Variants in RMST observed in about 807,000 individuals in gnomAD.
RMST encodes the protein long intergenic non-protein coding RNA 54.
chr12:97,556,702 C>T (rs1216200256), intron 11 of RMST, among the ~76,000 whole-genome samples: 1 of 152,140 alleles, frequency 6.6e-6, no homozygotes, highest in African/African-American at 2.4e-5. Context: ...AGCTTGGAGC[C>T]TCTTTCTGGC....
At chr12:97,502,473 ATTTT>A (rs548682934) in intron 10 of RMST, among the ~76,000 whole-genome samples, 1 of 151,814 alleles carries the variant, frequency 6.6e-6, no homozygotes, top group South Asian at 2.1e-4. Context: ...ATAATAAATG[ATTTT>A]TTTTGAGACA....
In RMST at chr12:97,554,574, T is replaced by C. The variant is rs576736479; in HGVS notation, n.1546-5963T>C. ...AAGGTAACCCAAAAGGTGAAAATTT[T>C]GAAGATTCACAAAATGTTATTACTC... On this transcript the variant is annotated intron_variant and non_coding_transcript_variant, in intron 11 of 13. Transcript: ENST00000640149. Among the ~76,000 whole-genome samples the C allele has an allele frequency of 3.3e-5, 5 of 152,302 alleles. No individual in the cohort carries two copies. The East Asian group carries it at 9.7e-4, about 29-fold the overall frequency.
chr12:97,548,756 T>A (rs1253006732), intron 11 of RMST, among the ~76,000 whole-genome samples: 4 of 152,100 alleles, frequency 2.6e-5, no homozygotes, highest in Non-Finnish European at 5.9e-5. Context: ...TTTTGTAAAA[T>A]CTTTAGGGTT....
At position 97,538,151 on chromosome 12, in the gene RMST, CA is replaced by C. The variant is rs1427472656; in HGVS notation, n.1545+7297del. ...ATGGATGTTTTCCTTTTGCACCCCC[CA>C]AAAATAATAATAAAGGTTTGATCCT... On this transcript the variant is annotated intron_variant and non_coding_transcript_variant, in intron 11 of 13. Transcript: ENST00000640149. 2.0e-5 allele frequency among the ~76,000 whole-genome samples: 3 copies of C among 151,216 alleles called. No individual in the cohort carries two copies. In the Admixed American group the frequency reaches 2.0e-4, roughly 10 times the overall value.
intron 11 of RMST, among the ~76,000 whole-genome samples, chr12:97,555,522 C>T (rs1883640856): frequency 1.3e-5 from 2 of 152,204 alleles, no homozygotes; most frequent in Admixed American, 6.5e-5. Flanking sequence ...ATTATAGCCA[C>T]AATTTCCTAG....
intron 11 of RMST, among the ~76,000 whole-genome samples, chr12:97,531,223 T>C (rs1338078831): frequency 6.6e-6 from 1 of 152,002 alleles, no homozygotes; most frequent in African/African-American, 2.4e-5. Context: ...TGCTCTGCTA[T>C]TTTCTATTGT....
chr12:97,487,718 GA>G (rs1264410441), intron 5 of RMST, among the ~76,000 whole-genome samples: 3 of 152,176 alleles, frequency 2.0e-5, no homozygotes, highest in Non-Finnish European at 4.4e-5. Flanking sequence ...GTTACTGCAT[GA>G]GTCCATTCCC....
intron 5 of RMST, among the ~76,000 whole-genome samples, chr12:97,488,355 T>A (rs571219798): frequency 1.3e-5 from 2 of 152,174 alleles, no homozygotes; most frequent in Non-Finnish European, 2.9e-5. Context: ...GGGATTCACA[T>A]TGAGACACAT....
Position 97,546,530 on chromosome 12 carries a change from C to T in RMST, n.1546-14007C>T, listed in dbSNP as rs763529774. Among the ~76,000 whole-genome samples, 11 of 151,616 alleles carry T rather than the reference C, an allele frequency of 7.3e-5. No individual in the cohort carries two copies. The East Asian group carries it at 1.2e-3, about 16-fold the overall frequency. On this transcript the variant is annotated intron_variant and non_coding_transcript_variant, in intron 11 of 13. Coordinates refer to ENST00000640149, the Ensembl canonical transcript of RMST. Reference sequence around the variant, plus strand: ...CTGGAAGGTGGAGGTTGCAGTGAACCGAGATCTCACCACTGCACTCCAGCC... The same window carrying T: ...CTGGAAGGTGGAGGTTGCAGTGAACTGAGATCTCACCACTGCACTCCAGCC...
At chr12:97,480,676 T>C (rs1020443056) in intron 5 of RMST, among the ~76,000 whole-genome samples, 1 of 152,218 alleles carries the variant, frequency 6.6e-6, no homozygotes, top group African/African-American at 2.4e-5. Flanking sequence ...CTCTTTCTAG[T>C]CTTATCTCTA....
rs1422701452 is a variant in RMST, at chr12:97,548,057, T to C, written n.1546-12480T>C. On this transcript the variant is annotated intron_variant and non_coding_transcript_variant, in intron 11 of 13. Coordinates refer to ENST00000640149, the Ensembl canonical transcript of RMST. ...TTACATTTAAGTCTTTAACCTATTT[T>C]GAATTGATTTTTGTATATAGTTTGA... Among the ~76,000 whole-genome samples, 9 of 152,136 alleles carry C rather than the reference T, an allele frequency of 5.9e-5. No individual in the cohort carries two copies. The East Asian group carries it at 1.2e-3, about 20-fold the overall frequency.
chr12:97,467,503 T>C (rs953018840), intron 5 of RMST, among the ~76,000 whole-genome samples: 2 of 152,034 alleles, frequency 1.3e-5, no homozygotes, highest in African/African-American at 4.8e-5. Context: ...TTAGTCAGAA[T>C]ATAATATTGC....
chr12:97,488,219 A>G (rs1247837497), intron 5 of RMST, among the ~76,000 whole-genome samples: 2 of 152,202 alleles, frequency 1.3e-5, no homozygotes, highest in African/African-American at 4.8e-5. Flanking sequence ...CCCTGTCTCT[A>G]CTAAAAATAC....
intron 4 of RMST, among the ~76,000 whole-genome samples, chr12:97,464,535 T>C (rs555487985): frequency 6.6e-6 from 1 of 152,344 alleles, no homozygotes; most frequent in East Asian, 1.9e-4. Context: ...TGTTATTTAT[T>C]TGATGTGATT....
chr12:97,494,592 C>G (rs1877207189), intron 8 of RMST: 1 of 152,068 alleles, frequency 6.6e-6, no homozygotes, highest in South Asian at 2.1e-4. Context: ...AAAATTCCTG[C>G]ACATTCACAG....
intron 13 of RMST, chr12:97,563,531 A>G: frequency 3.3e-6 from 1 of 307,336 alleles, no homozygotes; most frequent in Non-Finnish European, 6.3e-6. Flanking sequence ...TTCAATGTCA[A>G]AGTGATGAGC....
intron 11 of RMST, among the ~76,000 whole-genome samples, chr12:97,535,858 G>A (rs905986583): frequency 4.0e-5 from 6 of 151,602 alleles, no homozygotes; most frequent in Non-Finnish European, 5.9e-5. Flanking sequence ...GGTCACCCAT[G>A]CAATGAACAT....
chr12:97,464,919 A>T lies in RMST; in HGVS notation n.585-749A>T, dbSNP rs529375270. ...GTTTTGTTCTGAGTTAATGGTATGG[A>T]ACAAGGCAGCCTCCACAAACAGCTA... On this transcript the variant is annotated intron_variant and non_coding_transcript_variant, in intron 4 of 13. Transcript: ENST00000640149. The T allele has an allele frequency of 3.9e-5, 6 of 152,342 alleles. No individual in the cohort carries two copies. In the East Asian group the frequency reaches 1.2e-3, roughly 29 times the overall value. 9.4% of individuals were successfully genotyped at this position (152,342 alleles called of 1,614,324 possible).
chr12:97,463,804 C>G (rs1872859111), intron 4 of RMST, among the ~76,000 whole-genome samples: 1 of 151,806 alleles, frequency 6.6e-6, no homozygotes, highest in South Asian at 2.1e-4. Context: ...TTATTTGGAA[C>G]ATACTCCATT....
Sources: gnomAD v4.1 joint callset for allele counts (sites outside exome capture counted in the v4.1 genomes callset) on GRCh38, gnomAD v4.1.1 for gene constraint, MANE v1.5 for transcripts, NCBI Gene and HGNC (gene_info 2026-07-23, HGNC 2026-07-21) for gene names.